COL6A5: variants seen among roughly 807,000 people sequenced by gnomAD.
COL6A5 encodes collagen type VI alpha 5 chain, also known as collagen alpha-5(VI) chain.
COL6A5 carries 48 observed loss-of-function variants against 65.6 expected under a neutral mutation model. The ratio of observed to expected loss-of-function variants is 0.73; its 90% CI spans 0.58 to 0.93. COL6A5 has a LOEUF of 0.93. Among genes scored for constraint, COL6A5 ranks in the 40% least tolerant of loss-of-function variants. The pLI is 0.00. For missense variants in COL6A5, 914 were observed against 928.3 expected, an observed-to-expected ratio of 0.98 and a Z score of 0.20; for synonymous variants, 291 against 322.8, an observed-to-expected ratio of 0.90 and a Z score of 1.05.
chr3:130,388,399 A>G (rs1936272677), intron 5 of COL6A5, among the ~76,000 whole-genome samples, 181 bp from the exon 6 acceptor site: 1 of 152,118 alleles, frequency 6.6e-6, no homozygotes, highest in Admixed American at 6.6e-5. Context: ...TGCATTTCTG[A>G]TTCAAGGTTC....
chr3:130,466,786 C>T (rs1013290292), intron 5 of COL6A5, among the ~76,000 whole-genome samples: 1 of 151,900 alleles, frequency 6.6e-6, no homozygotes, highest in Non-Finnish European at 1.5e-5. Flanking sequence ...GAGATGTATT[C>T]CAAGGATATT....
intron 1 of COL6A5, among the ~76,000 whole-genome samples, chr3:130,364,940 AC>A (rs1200251236): frequency 6.6e-6 from 1 of 152,230 alleles, no homozygotes; most frequent in African/African-American, 2.4e-5. Context: ...TGACTGAGAC[AC>A]CTGAAAAGTC....
intron 1 of COL6A5, among the ~76,000 whole-genome samples, chr3:130,355,691 A>G (rs1478199386): frequency 6.6e-6 from 1 of 152,050 alleles, no homozygotes; most frequent in Non-Finnish European, 1.5e-5. Context: ...AAATGAATGG[A>G]AACGTGATAA....
exon 6 of COL6A5, chr3:130,469,178 T>C (rs758191037): frequency 5.0e-6 from 8 of 1,613,276 alleles, no homozygotes; most frequent in Non-Finnish European, 6.8e-6. Flanking sequence ...TGCCTTGCAG[T>C]GGACAATTGA....
rs1014399856 is a variant in COL6A5, at chr3:130,480,387, A to G, written c.2329-3648A>G. On this transcript the variant is annotated intron_variant, in intron 7 of 7. Transcript: ENST00000512836. ...CACTTAAATATATATATTTTTGCAG[A>G]GAATTATGATTAGGCAAATGAAATA... Among the ~76,000 whole-genome samples, 5 of 152,068 alleles carry G rather than the reference A, an allele frequency of 3.3e-5. No individual in the cohort carries two copies. In the South Asian group the frequency reaches 1.0e-3, roughly 32 times the overall value.
intron 4 of COL6A5, among the ~76,000 whole-genome samples, chr3:130,446,450 G>A (rs1709306492): frequency 2.0e-5 from 3 of 152,174 alleles, no homozygotes; most frequent in African/African-American, 7.2e-5. Flanking sequence ...GAGAAGAACA[G>A]AGGGATGTTA....
chr3:130,401,762 G>A, exon 12 of COL6A5: 3 of 1,549,418 alleles, frequency 1.9e-6, no homozygotes, highest in Non-Finnish European at 2.6e-6. Context: ...TTTCCCCCAG[G>A]GAAATATTGC....
chr3:130,405,881 T>G (rs530032623), intron 14 of COL6A5, 112 bp from the exon 15 acceptor site: 1 of 1,087,264 alleles, frequency 9.2e-7, no homozygotes, highest in African/African-American at 1.6e-5. Flanking sequence ...TCTTTGTAGA[T>G]GTATAGCCCG....
At chr3:130,439,459 G>A (rs1265902605) in intron 1 of COL6A5, 63 bp from the exon 34 acceptor site, 4 of 1,201,364 alleles carry the variant, frequency 3.3e-6, no homozygotes, top group Admixed American at 2.2e-5. Context: ...AATCCTTAAA[G>A]TGGTTTCCTA....
chr3:130,480,253 GA>G (rs1194206447), intron 7 of COL6A5, among the ~76,000 whole-genome samples: 3 of 151,724 alleles, frequency 2.0e-5, no homozygotes, highest in African/African-American at 7.3e-5. Flanking sequence ...TGTCTTAATA[GA>G]ATTACCAAAA....
At chr3:130,482,858 G>C (rs1226181522) in intron 7 of COL6A5, among the ~76,000 whole-genome samples, 1 of 152,056 alleles carries the variant, frequency 6.6e-6, no homozygotes, top group Non-Finnish European at 1.5e-5. Flanking sequence ...CCTATTGTTG[G>C]TGTAAAGAAA....
intron 20 of COL6A5, 97 bp from the exon 21 acceptor site, chr3:130,413,448 T>C: frequency 3.5e-6 from 4 of 1,146,538 alleles, no homozygotes; most frequent in Admixed American, 2.0e-5. Flanking sequence ...AGCTGCTCAT[T>C]ACTTATGTCT....
rs755315814 is a variant in COL6A5, at chr3:130,455,454, G to A, written c.1333-1G>A. ...TCACCTAAAGTTTTTTTTTCTTCTA[G>A]ATTTGTTACTGAGCTACAAGAGGAT... On this transcript the variant is annotated splice_acceptor_variant, in intron 4 of 7. Coordinates refer to ENST00000512836, the Ensembl canonical transcript of COL6A5. LOFTEE classifies it high-confidence loss of function. The A allele has an allele frequency of 1.3e-6, 2 of 1,598,006 alleles. No individual in the cohort carries two copies. Among genetic ancestry groups the A allele is most frequent in the Admixed American group, 1.7e-5 (1 of 58,234 alleles).
intron 14 of COL6A5, 119 bp from the exon 15 acceptor site, chr3:130,405,874 T>C: frequency 9.5e-7 from 1 of 1,055,790 alleles, no homozygotes; most frequent in Non-Finnish European, 1.4e-6. Context: ...TCTAACCTCT[T>C]TGTAGATGTA....
chr3:130,441,585 G>A (rs187772474), intron 3 of COL6A5, among the ~76,000 whole-genome samples: 1 of 152,174 alleles, frequency 6.6e-6, no homozygotes, highest in Non-Finnish European at 1.5e-5. Context: ...CTAGAAATAA[G>A]AATACCTCGT....
intron 4 of COL6A5, among the ~76,000 whole-genome samples, chr3:130,444,018 C>A (rs933708727): frequency 1.3e-5 from 2 of 152,218 alleles, no homozygotes; most frequent in Admixed American, 6.5e-5. Context: ...TAGAGGCCCA[C>A]CCTCAGGGGC....
At chr3:130,438,966 A>G (rs1709103333) in intron 1 of COL6A5, among the ~76,000 whole-genome samples, 1 of 152,136 alleles carries the variant, frequency 6.6e-6, no homozygotes, top group Non-Finnish European at 1.5e-5. Flanking sequence ...TGCTTTTTGA[A>G]ATAGACTTTT....
intron 7 of COL6A5, among the ~76,000 whole-genome samples, chr3:130,481,638 T>C (rs1710242822): frequency 6.6e-6 from 1 of 152,182 alleles, no homozygotes; most frequent in Non-Finnish European, 1.5e-5. Context: ...TCCACAATGG[T>C]TCAACTAATT....
chr3:130,431,169 G>A (rs1937784023), upstream of COL6A5: 2 of 668,922 alleles, frequency 3.0e-6, no homozygotes, highest in African/African-American at 3.5e-5. Flanking sequence ...ACACAGAAGA[G>A]TTCCATCAGC....
Sources: allele counts gnomAD v4.1 joint callset (sites outside exome capture counted in the v4.1 genomes callset), GRCh38; gene constraint gnomAD v4.1.1; transcripts MANE v1.5; gene names NCBI Gene and HGNC (gene_info 2026-07-23, HGNC 2026-07-21).